RETREG1: variants seen among roughly 807,000 people sequenced by gnomAD.
RETREG1 encodes the protein reticulophagy regulator 1.
Under a neutral mutation model 54.8 loss-of-function variants are expected in RETREG1, and 44 were observed. The observed-to-expected ratio is 0.80, with a 90% CI of 0.63 to 1.03. The LOEUF is 1.03. Ranked by LOEUF, RETREG1 falls within the 50% of genes least tolerant of loss-of-function variation. The pLI, the probability that RETREG1 is intolerant of heterozygous loss-of-function variation, is 0.00. For missense variants in RETREG1, 554 were observed against 605.1 expected (o/e 0.92, Z 0.89); for synonymous variants, 217 against 238.5 (o/e 0.91, Z 0.83).
At chr5:16,480,708 A>G (rs1738731355) in intron 5 of RETREG1, among the ~76,000 whole-genome samples, 1 of 152,108 alleles carries the variant, frequency 6.6e-6, no homozygotes, top group Non-Finnish European at 1.5e-5. Flanking sequence ...ACACGCACGA[A>G]GGCAAAGGTG....
intron 3 of RETREG1, among the ~76,000 whole-genome samples, chr5:16,528,045 G>A (rs1740777943): frequency 6.6e-6 from 1 of 151,964 alleles, no homozygotes; most frequent in Admixed American, 6.6e-5. Flanking sequence ...TCTTGACCTC[G>A]TGATCCGCCT....
At chr5:16,496,072 T>C (rs1284284860) in intron 3 of RETREG1, among the ~76,000 whole-genome samples, 1 of 152,136 alleles carries the variant, frequency 6.6e-6, no homozygotes, top group African/African-American at 2.4e-5. Context: ...TAAAGGATCA[T>C]TCTAAATTTT....
At chr5:16,513,520 A>C (rs1488493705) in intron 3 of RETREG1, among the ~76,000 whole-genome samples, 1 of 152,206 alleles carries the variant, frequency 6.6e-6, no homozygotes, top group Non-Finnish European at 1.5e-5. Context: ...TGGCCAGGCC[A>C]CTGGAAAAGA....
intron 3 of RETREG1, among the ~76,000 whole-genome samples, chr5:16,499,720 C>T (rs1257762181): frequency 6.6e-6 from 1 of 152,212 alleles, no homozygotes; most frequent in Non-Finnish European, 1.5e-5. Context: ...GGGTGTCTGC[C>T]CACCTCTGGC....
At chr5:16,498,048 T>A (rs909527095) in intron 3 of RETREG1, among the ~76,000 whole-genome samples, 5 of 152,258 alleles carry the variant, frequency 3.3e-5, no homozygotes, top group Non-Finnish European at 7.3e-5. Context: ...ATGCATTCAT[T>A]TTATAATGAA....
At position 16,562,185 on chromosome 5, in the gene RETREG1, C is replaced by T. The variant is rs1741872698; in HGVS notation, c.458+3578G>A. Among the ~76,000 whole-genome samples the T allele has an allele frequency of 2.6e-5, 4 of 152,086 alleles. 1 individual carries two copies. In the South Asian group the frequency reaches 8.3e-4, roughly 32 times the overall value. ...ACAAAATTAGCCAGGCGTGGTGGCACATGCTTATAATCCCAGCTACTCGGG... is the reference window on the plus strand; with the variant it reads ...ACAAAATTAGCCAGGCGTGGTGGCATATGCTTATAATCCCAGCTACTCGGG... On this transcript the variant is annotated intron_variant, in intron 3 of 8. Coordinates refer to ENST00000306320, the MANE Select transcript of RETREG1 (RefSeq NM_001034850.3).
chr5:16,527,479 A>T (rs996358955), intron 3 of RETREG1, among the ~76,000 whole-genome samples: 11 of 152,236 alleles, frequency 7.2e-5, no homozygotes, highest in Admixed American at 1.3e-4. Context: ...TTTTGAATTT[A>T]GAAGTTCTGG....
At chr5:16,575,768 G>C (rs1038153806) in intron 1 of RETREG1, among the ~76,000 whole-genome samples, 1 of 152,232 alleles carries the variant, frequency 6.6e-6, no homozygotes, top group Non-Finnish European at 1.5e-5. Context: ...ATGCCAAACT[G>C]TATGGGACTA....
chr5:16,528,741 A>G lies in RETREG1; in HGVS notation c.458+37022T>C, dbSNP rs550897071. 3.9e-5 allele frequency among the ~76,000 whole-genome samples: 6 copies of G among 152,312 alleles called. No individual in the cohort carries two copies. In the South Asian group the frequency reaches 1.2e-3, roughly 32 times the overall value. ...GTCTGAAGAACATCTGATGGCATGA[A>G]CTGCTTGACATATTAAAACGGGGAT... On this transcript the variant is annotated intron_variant, in intron 3 of 8. Transcript: ENST00000306320.
At chr5:16,550,381 G>C (rs888548164) in intron 3 of RETREG1, among the ~76,000 whole-genome samples, 1 of 152,118 alleles carries the variant, frequency 6.6e-6, no homozygotes, top group African/African-American at 2.4e-5. Context: ...AGGTACTGAT[G>C]GTGCCTAGAA....
chr5:16,520,521 G>A (rs1259209378), intron 3 of RETREG1, among the ~76,000 whole-genome samples: 2 of 151,754 alleles, frequency 1.3e-5, no homozygotes, highest in South Asian at 2.1e-4. Context: ...GTAGAGACAG[G>A]GTTTCTCCAT....
chr5:16,560,689 C>T (rs1741830426), intron 3 of RETREG1, among the ~76,000 whole-genome samples: 1 of 152,176 alleles, frequency 6.6e-6, no homozygotes, highest in African/African-American at 2.4e-5. Context: ...TCCCACATGG[C>T]TCACATGAGC....
intron 3 of RETREG1, among the ~76,000 whole-genome samples, chr5:16,548,118 A>G (rs1179229808): frequency 2.0e-5 from 3 of 152,182 alleles, no homozygotes; most frequent in Non-Finnish European, 4.4e-5. Context: ...AAGAATTCCT[A>G]CCTAATAATG....
intron 1 of RETREG1, among the ~76,000 whole-genome samples, chr5:16,611,780 C>T (rs962015573): frequency 3.3e-5 from 5 of 152,124 alleles, no homozygotes; most frequent in African/African-American, 4.8e-5. Context: ...CACAAAACTA[C>T]GCTGAGTAAG....
chr5:16,515,472 C>T (rs1246020986), intron 3 of RETREG1, among the ~76,000 whole-genome samples: 4 of 152,092 alleles, frequency 2.6e-5, no homozygotes, highest in Admixed American at 2.0e-4. Context: ...AATCCTTATA[C>T]GTTTCACATT....
At chr5:16,535,663 C>G (rs1450757467) in intron 3 of RETREG1, among the ~76,000 whole-genome samples, 42 of 125,544 alleles carry the variant, frequency 3.3e-4, no homozygotes, top group East Asian at 4.8e-4. Flanking sequence ...GCTGCCTTCA[C>G]AAAGTGGGAG....
chr5:16,529,915 G>C (rs1234112441), intron 3 of RETREG1, among the ~76,000 whole-genome samples: 1 of 152,156 alleles, frequency 6.6e-6, no homozygotes, highest in Non-Finnish European at 1.5e-5. Flanking sequence ...AGCAATTCAA[G>C]TCCAAGCAGA....
rs1212557593 is a variant in RETREG1 at position 16,593,480 on chromosome 5, T to G, written c.321-21378A>C. ...TTTGTTGTACAAATGATTCAATTAA[T>G]GTAATTAATTAACCATGCATGTAAT... is the stretch of plus-strand genomic sequence containing the variant. On this transcript the variant is annotated intron_variant, in intron 1 of 8. Transcript: ENST00000306320. The surrounding 1 kb of genome is among the most constrained non-coding windows in gnomAD (Gnocchi z 4.9). Among the ~76,000 whole-genome samples the G allele has an allele frequency of 6.6e-6, 1 of 152,182 alleles. No homozygotes were observed. The highest frequency in any genetic ancestry group is 6.6e-5 in the Admixed American group (1 of 15,266).
chr5:16,529,104 T>G (rs558523440), intron 3 of RETREG1, among the ~76,000 whole-genome samples: 1 of 152,398 alleles, frequency 6.6e-6, no homozygotes, highest in Non-Finnish European at 1.5e-5. Context: ...CCCACCTATG[T>G]GTTCCCTTTT....
Sources: allele counts gnomAD v4.1 joint callset (sites outside exome capture counted in the v4.1 genomes callset), GRCh38; gene constraint gnomAD v4.1.1; non-coding constraint Gnocchi (gnomAD v3.1); transcripts MANE v1.5; gene names NCBI Gene and HGNC (gene_info 2026-07-23, HGNC 2026-07-21).